Variants in SLC24A2 observed in about 807,000 individuals in gnomAD.
The protein encoded by SLC24A2 is sodium/potassium/calcium exchanger 2.
SLC24A2 carries 36 observed loss-of-function variants against 62.0 expected under a neutral mutation model. The observed-to-expected ratio is 0.58, with a 90% CI of 0.44 to 0.77. The LOEUF is 0.77. SLC24A2 is among the 30% of genes least tolerant of loss of function. SLC24A2 has a pLI of 0.00. For missense variants in SLC24A2, 846 were observed against 817.9 expected, an observed-to-expected ratio of 1.03 and a Z score of -0.42; for synonymous variants, 358 against 294.0, an observed-to-expected ratio of 1.22 and a Z score of -2.23.
At chr9:19,669,960 A>G (rs944792217) in intron 2 of SLC24A2, among the ~76,000 whole-genome samples, 7 of 152,324 alleles carry the variant, frequency 4.6e-5, no homozygotes, top group Middle Eastern at 3.4e-3. Context: ...ACATCCCACA[A>G]TTATTGGTCC....
At chr9:19,543,880 G>A (rs1281979706) in intron 8 of SLC24A2, among the ~76,000 whole-genome samples, 3 of 152,172 alleles carry the variant, frequency 2.0e-5, no homozygotes, top group Non-Finnish European at 4.4e-5. Flanking sequence ...TAAGTGCGAT[G>A]AGGTGCTGAG....
At chr9:19,623,659 T>G (rs1817963734) in intron 2 of SLC24A2, among the ~76,000 whole-genome samples, 1 of 152,248 alleles carries the variant, frequency 6.6e-6, no homozygotes, top group African/African-American at 2.4e-5. Context: ...AATGGATTTT[T>G]AAGAAGGTGA....
the SLC24A2 span, among the ~76,000 whole-genome samples, chr9:20,050,983 T>G: frequency 6.6e-6 from 1 of 151,314 alleles, no homozygotes; most frequent in Non-Finnish European, 1.5e-5. Flanking sequence ...AAAAAATACG[T>G]AAAAGAGGAA....
At chr9:20,018,274 T>C in the SLC24A2 span, among the ~76,000 whole-genome samples, 1 of 152,208 alleles carries the variant, frequency 6.6e-6, no homozygotes, top group South Asian at 2.1e-4. Flanking sequence ...TTCAATCAAG[T>C]TGACACTCAA....
At chr9:19,561,227 G>T (rs1835382815) in intron 7 of SLC24A2, among the ~76,000 whole-genome samples, 1 of 151,988 alleles carries the variant, frequency 6.6e-6, no homozygotes, top group African/African-American at 2.4e-5. Context: ...ACCACACCTG[G>T]CCTGTATTTG....
intron 4 of SLC24A2, among the ~76,000 whole-genome samples, chr9:19,607,338 G>A (rs946320512): frequency 1.3e-5 from 2 of 152,160 alleles, no homozygotes; most frequent in Admixed American, 6.5e-5. Flanking sequence ...AGTTCCAGAG[G>A]AGAAAGATGA....
At chr9:19,860,153 C>A in the SLC24A2 span, among the ~76,000 whole-genome samples, 1 of 152,136 alleles carries the variant, frequency 6.6e-6, no homozygotes, top group Admixed American at 6.5e-5. Flanking sequence ...TCCCCTAACC[C>A]TAAGTTGCAC....
the SLC24A2 span, among the ~76,000 whole-genome samples, chr9:20,105,938 G>A: frequency 2.0e-5 from 3 of 152,064 alleles, no homozygotes; most frequent in African/African-American, 7.2e-5. Flanking sequence ...CAACAAAATT[G>A]ATAAACCGCT....
chr9:20,200,119 G>T, the SLC24A2 span, among the ~76,000 whole-genome samples: 1 of 151,378 alleles, frequency 6.6e-6, no homozygotes, highest in Non-Finnish European at 1.5e-5. Context: ...ACTAGATACC[G>T]GTTAACACTG....
the SLC24A2 span, among the ~76,000 whole-genome samples, chr9:20,096,943 C>T: frequency 6.6e-6 from 1 of 152,200 alleles, no homozygotes; most frequent in Admixed American, 6.5e-5. Flanking sequence ...GGCAGAATGA[C>T]ATGCACTGAA....
chr9:19,855,976 G>T, the SLC24A2 span, among the ~76,000 whole-genome samples: 1 of 151,746 alleles, frequency 6.6e-6, no homozygotes, highest in African/African-American at 2.4e-5. Flanking sequence ...TGGAGGTTTT[G>T]TTTGTTCCTT....
the SLC24A2 span, among the ~76,000 whole-genome samples, chr9:19,837,376 C>T: frequency 2.1e-4 from 28 of 132,212 alleles, no homozygotes; most frequent in East Asian, 5.1e-4. Context: ...GGCGTGAACC[C>T]GGGAAGTGGA....
At chr9:19,824,629 G>C in the SLC24A2 span, among the ~76,000 whole-genome samples, 1 of 151,988 alleles carries the variant, frequency 6.6e-6, no homozygotes, top group African/African-American at 2.4e-5. Flanking sequence ...TCAAGGATCT[G>C]GAACTAGAAA....
At chr9:20,197,968 G>A in the SLC24A2 span, among the ~76,000 whole-genome samples, 510 of 152,304 alleles carry the variant, frequency 3.3e-3, 4 homozygotes, top group African/African-American at 0.012. Context: ...AGACGAGAGG[G>A]CTATCTCCCA....
intron 2 of SLC24A2, among the ~76,000 whole-genome samples, chr9:19,762,486 T>C (rs1404892535): frequency 3.3e-5 from 5 of 152,334 alleles, no homozygotes; most frequent in African/African-American, 4.8e-5. Context: ...AATTTTTGTA[T>C]AAAGTGTAAG....
chr9:19,962,185 A>G, the SLC24A2 span, among the ~76,000 whole-genome samples: 2 of 152,058 alleles, frequency 1.3e-5, no homozygotes, highest in African/African-American at 4.8e-5. Context: ...TCAAATCCTC[A>G]CTTTAAGGAG....
At chr9:20,179,250 C>A in the SLC24A2 span, among the ~76,000 whole-genome samples, 3 of 152,132 alleles carry the variant, frequency 2.0e-5, no homozygotes, top group Admixed American at 6.6e-5. Context: ...GCATATTGCC[C>A]TTCAGTACAG....
chr9:19,566,477 GA>G (rs1835656220), intron 7 of SLC24A2, among the ~76,000 whole-genome samples: 1 of 150,586 alleles, frequency 6.6e-6, no homozygotes, highest in Non-Finnish European at 1.5e-5. Flanking sequence ...TGCTGGAGAG[GA>G]TGTGGAGAAA....
At chr9:19,897,027 A>C in the SLC24A2 span, among the ~76,000 whole-genome samples, 5 of 152,070 alleles carry the variant, frequency 3.3e-5, no homozygotes, top group Middle Eastern at 6.8e-3. Flanking sequence ...GCTCACATTC[A>C]TGGACCTACA....
Sources: allele counts gnomAD v4.1 joint callset (sites outside exome capture counted in the v4.1 genomes callset), GRCh38; gene constraint gnomAD v4.1.1; transcripts MANE v1.5; gene names NCBI Gene and HGNC (gene_info 2026-07-23, HGNC 2026-07-21).